VPS13B: variants seen among roughly 807,000 people sequenced by gnomAD.
VPS13B encodes the protein intermembrane lipid transfer protein VPS13B.
Under a neutral mutation model 426.4 loss-of-function variants are expected in VPS13B, and 285 were observed. That is an observed-to-expected ratio of 0.67 (90% CI 0.61 to 0.74). The LOEUF is 0.74. Ranked by LOEUF, VPS13B falls within the 30% of genes least tolerant of loss-of-function variation. The pLI is 0.00. For missense variants in VPS13B, 4,537 were observed against 4,782.6 expected, an observed-to-expected ratio of 0.95 and a Z score of 1.51; for synonymous variants, 1,676 against 1,676.4, an observed-to-expected ratio of 1.00 and a Z score of 0.01.
chr8:99,034,139 G>A (rs929669985), intron 2 of VPS13B, among the ~76,000 whole-genome samples: 3 of 152,168 alleles, frequency 2.0e-5, no homozygotes, highest in African/African-American at 7.2e-5. Flanking sequence ...GGAGATGGTT[G>A]TTGTTTCAGG....
chr8:99,093,959 G>T (rs886422514), intron 3 of VPS13B: 1 of 151,918 alleles, frequency 6.6e-6, no homozygotes, highest in Non-Finnish European at 1.5e-5. Context: ...AAAACTCATC[G>T]TTTTCATTTA....
At chr8:99,686,963 G>T (rs1831436378) in intron 35 of VPS13B, among the ~76,000 whole-genome samples, 2 of 151,954 alleles carry the variant, frequency 1.3e-5, no homozygotes, top group African/African-American at 4.8e-5. Context: ...GGAATGTGCT[G>T]GGTCACAGCT....
chr8:99,046,666 G>C (rs940092025), intron 3 of VPS13B, among the ~76,000 whole-genome samples: 4 of 152,028 alleles, frequency 2.6e-5, no homozygotes, highest in Non-Finnish European at 5.9e-5. Flanking sequence ...TTAGTATTAC[G>C]TTGGCTGTGG....
intron 13 of VPS13B, among the ~76,000 whole-genome samples, chr8:99,146,468 G>A (rs182099335): frequency 2.6e-5 from 4 of 152,192 alleles, no homozygotes; most frequent in Non-Finnish European, 5.9e-5. Flanking sequence ...ATTGGAGGGA[G>A]AAGTTATTCA....
chr8:99,705,964 C>T (rs894777480), intron 36 of VPS13B, among the ~76,000 whole-genome samples: 1 of 152,042 alleles, frequency 6.6e-6, no homozygotes, highest in Non-Finnish European at 1.5e-5. Context: ...CCTGCCCAGC[C>T]TTTCGTAGAG....
chr8:99,574,851 G>A (rs1020858839), intron 31 of VPS13B, among the ~76,000 whole-genome samples: 1 of 152,058 alleles, frequency 6.6e-6, no homozygotes, highest in African/African-American at 2.4e-5. Context: ...TTTTCAGGAA[G>A]CATTTAATAT....
At chr8:99,138,277 C>T (rs751106483) in intron 12 of VPS13B, among the ~76,000 whole-genome samples, 6 of 152,220 alleles carry the variant, frequency 3.9e-5, no homozygotes, top group Non-Finnish European at 8.8e-5. Context: ...CAGGCATGCG[C>T]TGCCATGCCT....
intron 19 of VPS13B, among the ~76,000 whole-genome samples, chr8:99,349,459 A>G (rs191204138): frequency 6.6e-6 from 1 of 152,152 alleles, no homozygotes; most frequent in Admixed American, 6.6e-5. Flanking sequence ...TAAATCTAGA[A>G]TCCATAATGG....
rs541235463 is a variant in VPS13B, at chr8:99,537,822, G to A, written c.4745+16812G>A. 1.4e-4 allele frequency among the ~76,000 whole-genome samples: 22 copies of A among 152,244 alleles called. 1 individual carries two copies. Among genetic ancestry groups the A allele is most frequent in the African/African-American group, 5.3e-4 (22 of 41,546 alleles). ...TGTTTTGCTACTATTTGTGACCCTGGTGTGGTCCAGGTCATTAAAGTTCAA... is the reference window on the plus strand; with the variant it reads ...TGTTTTGCTACTATTTGTGACCCTGATGTGGTCCAGGTCATTAAAGTTCAA... On this transcript the variant is annotated intron_variant, in intron 30 of 61. Coordinates refer to ENST00000357162, the MANE Select transcript of VPS13B (RefSeq NM_152564.5).
chr8:99,502,970 T>G lies in VPS13B; in HGVS notation c.4157+20T>G. 2 of 1,519,962 alleles carry G rather than the reference T, an allele frequency of 1.3e-6. No homozygotes were observed. Among genetic ancestry groups the G allele is most frequent in the Non-Finnish European group, 1.8e-6 (2 of 1,096,974 alleles). The allele number at this position is 1,519,962 out of a possible 1,614,324, so 94.2% of individuals were successfully genotyped here. ...AAGCAGGTAAATAATGAATAATGAA[T>G]ATAAGAAAATCTGTATTTTTCTTTG... On this transcript the variant is annotated intron_variant, in intron 27 of 61. Coordinates refer to ENST00000357162, the MANE Select transcript of VPS13B (RefSeq NM_152564.5).
intron 44 of VPS13B, among the ~76,000 whole-genome samples, chr8:99,815,990 C>T (rs1350123496): frequency 2.0e-5 from 3 of 152,050 alleles, no homozygotes; most frequent in African/African-American, 7.2e-5. Flanking sequence ...CACCACCATA[C>T]CTAGCTAATT....
intron 7 of VPS13B, among the ~76,000 whole-genome samples, chr8:99,118,289 T>C (rs564499282): frequency 3.6e-4 from 55 of 152,322 alleles, no homozygotes; most frequent in African/African-American, 1.3e-3. Context: ...TATTTATCAA[T>C]ACAATTGTTT....
At chr8:99,536,651 G>A (rs373553190) in intron 30 of VPS13B, 3 of 534,420 alleles carry the variant, frequency 5.6e-6, no homozygotes, top group Non-Finnish European at 1.2e-5. Context: ...CCAAGTATGG[G>A]TTTGATAAAC....
intron 19 of VPS13B, among the ~76,000 whole-genome samples, chr8:99,283,126 A>T (rs1819254899): frequency 6.6e-6 from 1 of 152,202 alleles, no homozygotes; most frequent in African/African-American, 2.4e-5. Flanking sequence ...TTTAATTTGT[A>T]GGGAATGTCT....
chr8:99,458,812 G>C (rs945788772), intron 23 of VPS13B, among the ~76,000 whole-genome samples: 6 of 152,148 alleles, frequency 3.9e-5, no homozygotes, highest in Admixed American at 3.9e-4. Flanking sequence ...GTAGATTCTG[G>C]ATATTAGCCC....
chr8:99,071,292 C>G (rs543281026), intron 3 of VPS13B, among the ~76,000 whole-genome samples: 4 of 152,264 alleles, frequency 2.6e-5, no homozygotes, highest in Non-Finnish European at 5.9e-5. Flanking sequence ...TCTTTGGTTG[C>G]TGCAGCTGTA....
intron 17 of VPS13B, among the ~76,000 whole-genome samples, chr8:99,213,645 A>G (rs1173594686): frequency 6.6e-6 from 1 of 152,152 alleles, no homozygotes; most frequent in Non-Finnish European, 1.5e-5. Context: ...AATCCTGTCT[A>G]TGAACCTCTG....
At chr8:99,506,295 A>T (rs1253846144) in intron 27 of VPS13B, among the ~76,000 whole-genome samples, 2 of 152,174 alleles carry the variant, frequency 1.3e-5, no homozygotes, top group Non-Finnish European at 2.9e-5. Flanking sequence ...TTGGCTTTTG[A>T]TAATAGAATG....
chr8:99,847,354 T>A (rs1357447362), intron 54 of VPS13B, among the ~76,000 whole-genome samples: 1 of 152,198 alleles, frequency 6.6e-6, no homozygotes, highest in African/African-American at 2.4e-5. Context: ...ATATTTTTGA[T>A]CAAATAGAAA....
Sources: gnomAD v4.1 joint callset for allele counts (sites outside exome capture counted in the v4.1 genomes callset) on GRCh38, gnomAD v4.1.1 for gene constraint, MANE v1.5 for transcripts, NCBI Gene and HGNC (gene_info 2026-07-23, HGNC 2026-07-21) for gene names.